ATG3: variants seen among roughly 807,000 people sequenced by gnomAD.
The protein encoded by ATG3 is autophagy related 3, also known as ubiquitin-like-conjugating enzyme ATG3.
Under a neutral mutation model 50.7 loss-of-function variants are expected in ATG3, and 25 were observed. That is an observed-to-expected ratio of 0.49 (90% confidence interval 0.36 to 0.69). The LOEUF is 0.69. Ranked by LOEUF, ATG3 falls within the 30% of genes least tolerant of loss-of-function variation. The pLI is 0.00. For missense variants in ATG3, 281 were observed against 376.0 expected, an observed-to-expected ratio of 0.75 and a Z score of 2.09; for synonymous variants, 119 against 125.5, an observed-to-expected ratio of 0.95 and a Z score of 0.34.
chr3:112,532,612 T>C lies in ATG3; in HGVS notation c.*87A>G, dbSNP rs2082563932. 4.1e-6 allele frequency: 4 copies of C among 986,070 alleles called. No individual in the cohort carries two copies. Among genetic ancestry groups the C allele is most frequent in the East Asian group, 2.8e-5 (1 of 35,464 alleles). The allele number at this position is 986,070 out of a possible 1,614,324, so 61.1% of individuals were successfully genotyped here. Reference sequence around the variant, plus strand: ...TCCCTTATTAGAGAAACTGTATATATTGATGAATATGGTCAATGGTCACAT... The same window carrying C: ...TCCCTTATTAGAGAAACTGTATATACTGATGAATATGGTCAATGGTCACAT... On this transcript the variant is annotated 3_prime_UTR_variant, in exon 12 of 12. Coordinates refer to ENST00000283290, the MANE Select transcript of ATG3 (RefSeq NM_022488.5).
rs1342032962 is a variant in ATG3, at chr3:112,544,067, A to C, written c.383T>G (p.Leu128Arg). The C allele has an allele frequency of 6.3e-7, 1 of 1,599,726 alleles. No individual in the cohort carries two copies. Among genetic ancestry groups the C allele is most frequent in the South Asian group, 1.1e-5 (1 of 90,498 alleles). ...CTAATTAACCAGTACCTTATTTTCC[A>C]GTGTGATCTCTTTAACGGCTTCCGT... ...GITEAVKEIT[L>R]ENKDNIRLQD... Residue 128 changes from leucine (L) to arginine (R), a missense_variant, in exon 6 of 12, where the codon CTG (leucine) becomes CGG (arginine). This residue lies in a region of ATG3 where 242 missense variants were observed against 305.0 expected (regional missense o/e 0.79). Coordinates refer to ENST00000283290, the MANE Select transcript of ATG3 (RefSeq NM_022488.5).
intron 11 of ATG3, 138 bp downstream of exon 11, chr3:112,534,131 A>G: frequency 1.4e-6 from 2 of 1,419,660 alleles, no homozygotes; most frequent in South Asian, 3.3e-5. Context: ...TAAATAAATG[A>G]AAGACTTCTA....
intron 11 of ATG3, 80 bp downstream of exon 11, chr3:112,534,189 A>G: frequency 6.4e-7 from 1 of 1,556,114 alleles, no homozygotes; most frequent in Non-Finnish European, 8.6e-7. Flanking sequence ...CTACTGTATC[A>G]TTAAGGTTAC....
intron 7 of ATG3, among the ~76,000 whole-genome samples, chr3:112,539,606 T>C (rs997573249): frequency 6.6e-6 from 1 of 152,226 alleles, no homozygotes; most frequent in Admixed American, 6.5e-5. Flanking sequence ...ACTGTATATA[T>C]TTTGCTTATC....
At chr3:112,537,079 A>G (rs7617497) in intron 9 of ATG3, among the ~76,000 whole-genome samples, 2,452 of 152,108 alleles carry the variant, frequency 0.016, 63 homozygotes, top group African/African-American at 0.056. Context: ...TTTCTGGGAA[A>G]TTTTACAATT....
At position 112,550,131 on chromosome 3, in the gene ATG3, A is replaced by T. The variant is rs1317654209; in HGVS notation, c.235+61T>A. 9 of 1,245,704 alleles carry T rather than the reference A, an allele frequency of 7.2e-6. No homozygotes were observed. The Admixed American group carries it at 2.0e-4, about 28-fold the overall frequency. The allele number at this position is 1,245,704 out of a possible 1,614,324, so 77.2% of individuals were successfully genotyped here. ...AAATTTTCAAGCAATAGAAAAACCG[A>T]GAGCTTCATTTTAATATACCTCTAC... is the stretch of plus-strand genomic sequence containing the variant. On this transcript the variant is annotated intron_variant, in intron 4 of 11. Coordinates refer to ENST00000283290, the MANE Select transcript of ATG3 (RefSeq NM_022488.5).
At chr3:112,549,991 C>A (rs1182531809) in intron 4 of ATG3, among the ~76,000 whole-genome samples, 4 of 151,960 alleles carry the variant, frequency 2.6e-5, no homozygotes, top group African/African-American at 9.7e-5. Context: ...AAGCCAACTT[C>A]AAAAAAATCC....
chr3:112,561,520 AT>A lies in ATG3; in HGVS notation c.8del (p.Asn3MetfsTer2). MQ[N>X]VINTVKGKAL... The stretch of plus-strand genomic sequence containing the variant: ...CCTTTCCCTTCACAGTATTAATCAC[AT>A]TCTGCATCCTGGGGCCGGAGTAGCG... On this transcript the variant is annotated frameshift_variant, in exon 1 of 12. Transcript: ENST00000283290. LOFTEE classifies it high-confidence loss of function. 1 of 1,584,502 alleles carries A rather than the reference AT, an allele frequency of 6.3e-7. No homozygotes were observed. Among genetic ancestry groups the A allele is most frequent in the Non-Finnish European group, 8.6e-7 (1 of 1,163,362 alleles).
rs1165913794 is a variant in ATG3 at position 112,536,367 on chromosome 3, T to A, written c.794+108A>T. On this transcript the variant is annotated intron_variant, in intron 10 of 11. Transcript: ENST00000283290. ...GACAAGAGAGAATTTTACTTTTTAGTAAGAAAATTTTTTTCTGTTAGGGTT... is the reference window on the plus strand; with the variant it reads ...GACAAGAGAGAATTTTACTTTTTAGAAAGAAAATTTTTTTCTGTTAGGGTT... 3.6e-6 allele frequency: 5 copies of A among 1,372,338 alleles called. No individual in the cohort carries two copies. The East Asian group carries it at 1.0e-4, about 28-fold the overall frequency. The allele number at this position is 1,372,338 out of a possible 1,614,324, so 85.0% of individuals were successfully genotyped here.
intron 5 of ATG3, among the ~76,000 whole-genome samples, chr3:112,547,658 T>C (rs944297177): frequency 6.6e-6 from 1 of 152,218 alleles, no homozygotes; most frequent in African/African-American, 2.4e-5. Context: ...AAATAACTCA[T>C]AGAAACACTT....
At chr3:112,553,422 A>C in intron 2 of ATG3, 93 bp from the exon 3 acceptor site, 4 of 971,476 alleles carry the variant, frequency 4.1e-6, no homozygotes, top group Non-Finnish European at 6.6e-6. Flanking sequence ...AACTGATGGC[A>C]CTAGGTAACA....
chr3:112,533,740 T>C lies in ATG3; in HGVS notation c.863+529A>G, dbSNP rs975092303. On this transcript the variant is annotated intron_variant, in intron 11 of 11. Transcript: ENST00000283290. The stretch of plus-strand genomic sequence containing the variant: ...GGGCATTAACTTGAATGTATTACTT[T>C]TGTCAATCCAAGAAAACTGAGTAGG... 16 of 985,272 alleles carry C rather than the reference T, an allele frequency of 1.6e-5. No homozygotes were observed. In the African/African-American group the frequency reaches 2.8e-4, roughly 17 times the overall value. 61.0% of individuals were successfully genotyped at this position (985,272 alleles called of 1,614,324 possible).
chr3:112,532,824 T>C lies in ATG3; in HGVS notation c.864-44A>G, dbSNP rs1301679025. ...GGAAAATAAGATTTGTAAATAGTTC[T>C]ATGTTTTAAGCCCATGTTGTAATTA... On this transcript the variant is annotated intron_variant, in intron 11 of 11. Transcript: ENST00000283290. The C allele has an allele frequency of 3.2e-6, 5 of 1,542,264 alleles. No homozygotes were observed. In the Admixed American group the frequency reaches 1.0e-4, roughly 31 times the overall value.
intron 3 of ATG3, among the ~76,000 whole-genome samples, chr3:112,551,544 A>C (rs887050242): frequency 6.6e-6 from 1 of 152,218 alleles, no homozygotes. Flanking sequence ...AAATGGAATA[A>C]AACTACTAGT....
chr3:112,552,465 T>C (rs1446436645), intron 3 of ATG3, among the ~76,000 whole-genome samples: 1 of 152,060 alleles, frequency 6.6e-6, no homozygotes, highest in Non-Finnish European at 1.5e-5. Context: ...CCTTAATTGG[T>C]ATCATAAACC....
At chr3:112,560,684 T>A (rs1933834468) in intron 1 of ATG3, among the ~76,000 whole-genome samples, 1 of 151,720 alleles carries the variant, frequency 6.6e-6, no homozygotes, top group South Asian at 2.1e-4. Flanking sequence ...TCCAAAAGAG[T>A]TATAAAAGAA....
At chr3:112,540,430 C>G (rs1037516923) in intron 7 of ATG3, among the ~76,000 whole-genome samples, 7 of 152,184 alleles carry the variant, frequency 4.6e-5, no homozygotes, top group African/African-American at 7.2e-5. Flanking sequence ...TCAATGCCTG[C>G]CTTTTTTTCA....
Position 112,537,714 on chromosome 3 carries a change from TATA to T in ATG3, c.666+18_666+20del. 1 of 1,516,270 alleles carries T rather than the reference TATA, an allele frequency of 6.6e-7. No individual in the cohort carries two copies. Among genetic ancestry groups the T allele is most frequent in the Non-Finnish European group, 8.8e-7 (1 of 1,130,022 alleles). The allele number at this position is 1,516,270 out of a possible 1,614,324, so 93.9% of individuals were successfully genotyped here. A position where few individuals can be genotyped will look rare whatever the true frequency, so the allele number is the denominator to read the frequency against. ...ACAATTTAAAATATTGATATTAAAA[TATA>T]ATGCTTTTCATTTTTACCTCATCAT... On this transcript the variant is annotated intron_variant, in intron 9 of 11. Transcript: ENST00000283290.
At chr3:112,547,600 C>A (rs1029626820) in intron 5 of ATG3, among the ~76,000 whole-genome samples, 2 of 152,158 alleles carry the variant, frequency 1.3e-5, no homozygotes, top group East Asian at 3.9e-4. Flanking sequence ...AATATAGTGG[C>A]AAAACAGTGT....
Sources: gnomAD v4.1 joint callset for allele counts (sites outside exome capture counted in the v4.1 genomes callset) on GRCh38, gnomAD v4.1.1 for gene constraint, gnomAD v4.1.1 regional missense constraint, MANE v1.5 for transcripts, NCBI Gene and HGNC (gene_info 2026-07-23, HGNC 2026-07-21) for gene names.